SMC5: variants seen among roughly 807,000 people sequenced by gnomAD.
SMC5 encodes the protein structural maintenance of chromosomes 5.
In SMC5, 88 loss-of-function variants were observed where a neutral mutation model predicts 148.3. That is an observed-to-expected ratio of 0.59 (90% CI 0.50 to 0.71). The LOEUF (loss-of-function observed/expected upper bound fraction) is 0.71. Ranked by LOEUF, SMC5 falls within the 30% of genes least tolerant of loss-of-function variation. The pLI is 0.00. For missense variants in SMC5, 1,142 were observed against 1,298.9 expected (o/e 0.88, Z 1.86); for synonymous variants, 421 against 432.8 (o/e 0.97, Z 0.34).
intron 11 of SMC5, among the ~76,000 whole-genome samples, chr9:70,314,097 A>G (rs1367407085): frequency 6.6e-6 from 1 of 152,082 alleles, no homozygotes; most frequent in Non-Finnish European, 1.5e-5. Context: ...GCAGATTTTG[A>G]GGCTTCTCAC....
chr9:70,278,374 T>A, intron 4 of SMC5, 117 bp from the exon 5 acceptor site: 1 of 900,576 alleles, frequency 1.1e-6, no homozygotes, highest in Non-Finnish European at 1.6e-6. Context: ...AAGGTTTATA[T>A]CTCAAATGTT....
Position 70,298,154 on chromosome 9 carries a change from G to A in SMC5, c.1242G>A (p.Lys414=). Residue 414 remains lysine (K), a synonymous_variant, in exon 9 of 25, where the codon AAG becomes AAA. Transcript: ENST00000361138. ...TNDLRRIQDE[K]ALCEGEIIDK... is the part of the protein sequence containing the mutation. ...ATCTGAGACGGATTCAGGATGAAAAGGCATTATGTGAAGGCGAAATAATTG... is the reference window on the plus strand; with the variant it reads ...ATCTGAGACGGATTCAGGATGAAAAAGCATTATGTGAAGGCGAAATAATTG... 1 of 1,613,900 alleles carries A rather than the reference G, an allele frequency of 6.2e-7. No individual in the cohort carries two copies. Among genetic ancestry groups the A allele is most frequent in the Non-Finnish European group, 8.5e-7 (1 of 1,179,946 alleles).
At chr9:70,304,200 C>A (rs1462659898) in intron 10 of SMC5, among the ~76,000 whole-genome samples, 2 of 152,060 alleles carry the variant, frequency 1.3e-5, no homozygotes, top group Non-Finnish European at 2.9e-5. Flanking sequence ...GCGATATTCC[C>A]ACCTCAGCCT....
rs1564059992 is a variant in SMC5, at chr9:70,323,595, A to G, written c.2263A>G (p.Asn755Asp). The G allele has an allele frequency of 6.2e-7, 1 of 1,611,798 alleles. No homozygotes were observed. Among genetic ancestry groups the G allele is most frequent in the South Asian group, 1.1e-5 (1 of 90,528 alleles). ...AGCGAAACTTGTTACCGAATTAACA[A>G]ACCTAATAAAGGTAAGGTATTGTTT... ...QKAKLVTELT[N>D]LIKICTSLHI... Residue 755 changes from asparagine (N) to aspartate (D), a missense_variant, in exon 16 of 25, where the codon AAC becomes GAC. Asn to Asp is a conservative substitution (Grantham distance 23). Coordinates refer to ENST00000361138, the MANE Select transcript of SMC5 (RefSeq NM_015110.4).
At chr9:70,296,343 C>T (rs1222709957) in intron 8 of SMC5, among the ~76,000 whole-genome samples, 1 of 152,078 alleles carries the variant, frequency 6.6e-6, no homozygotes, top group Non-Finnish European at 1.5e-5. Flanking sequence ...AGGCAGATCA[C>T]TTGAGGCCAG....
At position 70,280,785 on chromosome 9, in the gene SMC5, T is replaced by C. The variant is rs1423875860; in HGVS notation, c.705T>C (p.Tyr235=). 6.2e-7 allele frequency: 1 copy of C among 1,613,192 alleles called. No homozygotes were observed. Among genetic ancestry groups the C allele is most frequent in the Admixed American group, 1.7e-5 (1 of 59,908 alleles). Residue 235 remains tyrosine, a synonymous_variant, in exon 6 of 25, where the codon TAT becomes TAC. Transcript: ENST00000361138. ...LETSCKEKTE[Y]LQKMVQRNER... is the part of the protein sequence containing the mutation. The stretch of plus-strand genomic sequence containing the variant: ...CCTCATGCAAAGAGAAAACTGAGTA[T>C]CTACAGAAAATGGTTCAGAGGAATG...
At chr9:70,302,502 A>AATAT (rs112307767) in intron 10 of SMC5, among the ~76,000 whole-genome samples, 21 of 149,536 alleles carry the variant, frequency 1.4e-4, no homozygotes, top group Middle Eastern at 3.4e-3. Flanking sequence ...AAGAAAAAAA[A>AATAT]ATATATATAT....
chr9:70,284,110 A>C (rs2034832123), intron 7 of SMC5, among the ~76,000 whole-genome samples: 1 of 152,226 alleles, frequency 6.6e-6, no homozygotes, highest in Admixed American at 6.5e-5. Flanking sequence ...TATAAAGTAA[A>C]CTTTGTAACA....
chr9:70,315,581 A>G lies in SMC5; in HGVS notation c.1806+3A>G. 6.4e-7 allele frequency: 1 copy of G among 1,564,944 alleles called. No individual in the cohort carries two copies. The highest frequency in any genetic ancestry group is 8.7e-7 in the Non-Finnish European group (1 of 1,154,836). Reference sequence around the variant, plus strand: ...AGACCAGAGAAAGAATTGAACGGGTAGGAAAGTAGTGAATCATGTACTGAA... The same window carrying G: ...AGACCAGAGAAAGAATTGAACGGGTGGGAAAGTAGTGAATCATGTACTGAA... On this transcript the variant is annotated splice_donor_region_variant and intron_variant, in intron 13 of 24. Transcript: ENST00000361138.
chr9:70,282,286 A>C, intron 6 of SMC5, 136 bp from the exon 7 acceptor site: 2 of 846,258 alleles, frequency 2.4e-6, no homozygotes, highest in Non-Finnish European at 1.7e-6. Flanking sequence ...CCCAGAGGAC[A>C]AATTTACATT....
At chr9:70,310,976 T>C (rs1312780475) in intron 11 of SMC5, 1 of 152,230 alleles carries the variant, frequency 6.6e-6, no homozygotes, top group Non-Finnish European at 1.5e-5. Flanking sequence ...AGGATTTGGC[T>C]TAAAGGGATG....
intron 3 of SMC5, among the ~76,000 whole-genome samples, chr9:70,269,455 C>T (rs558605586): frequency 1.3e-5 from 2 of 152,156 alleles, no homozygotes; most frequent in South Asian, 2.1e-4. Flanking sequence ...GGCTGCGCAC[C>T]TGTAGTCCTA....
Position 70,352,275 on chromosome 9 carries a change from A to G in SMC5, c.3250A>G (p.Asn1084Asp), listed in dbSNP as rs192311641. The G allele has an allele frequency of 3.7e-6, 6 of 1,613,840 alleles. No individual in the cohort carries two copies. The East Asian group carries it at 1.3e-4, about 36-fold the overall frequency. The change falls in exon 25 of 25, where the codon AAT becomes GAT. Residue 1084 changes from asparagine (N) to aspartate (D), a missense_variant. Around this residue, in one of 5 missense-constraint regions of SMC5, gnomAD observed 63 missense variants for 65.7 expected, o/e 0.96. Coordinates refer to ENST00000361138, the MANE Select transcript of SMC5 (RefSeq NM_015110.4). ...TCATATGCTGGAACCAAACACATGG[A>G]ATTTAAAGGCTTTCCAAAGGCGGCG... ...GPHMLEPNTWNLKAFQRRRRR... is the reference protein window; with the variant it reads ...GPHMLEPNTWDLKAFQRRRRR...
At position 70,350,266 on chromosome 9, in the gene SMC5, A is replaced by C; in HGVS notation, c.3042A>C (p.Pro1014=). The change falls in exon 23 of 25, where the codon CCA becomes CCC. Residue 1014 remains proline, a synonymous_variant. Transcript: ENST00000361138. The part of the protein sequence containing the change: ...LMALQELNRC[P]FRVVDEINQG... ...CACTTCAGGAGCTAAATAGATGTCC[A>C]TTCAGAGTAGTTGATGAAATCAATC... is the stretch of plus-strand genomic sequence containing the variant. 2 of 1,613,162 alleles carry C rather than the reference A, an allele frequency of 1.2e-6. No individual in the cohort carries two copies. The highest frequency in any genetic ancestry group is 1.7e-6 in the Non-Finnish European group (2 of 1,179,678).
intron 17 of SMC5, among the ~76,000 whole-genome samples, chr9:70,336,725 T>G (rs1056662120): frequency 1.3e-5 from 2 of 152,164 alleles, no homozygotes; most frequent in Non-Finnish European, 2.9e-5. Flanking sequence ...AATGTGGTTG[T>G]TCCATATAGG....
intron 10 of SMC5, among the ~76,000 whole-genome samples, chr9:70,303,693 C>T (rs981601391): frequency 1.3e-5 from 2 of 152,162 alleles, no homozygotes; most frequent in African/African-American, 4.8e-5. Context: ...GTCCATCTTA[C>T]AGATGAAAGT....
At chr9:70,349,029 A>G (rs1401277591) in intron 22 of SMC5, among the ~76,000 whole-genome samples, 1 of 151,822 alleles carries the variant, frequency 6.6e-6, no homozygotes, top group Non-Finnish European at 1.5e-5. Context: ...TTAAAGCTCT[A>G]TTCAATTAAT....
chr9:70,264,450 G>A lies in SMC5; in HGVS notation c.327+5G>A. On this transcript the variant is annotated splice_donor_5th_base_variant and intron_variant, in intron 2 of 24. Transcript: ENST00000361138. ...TTCATGGGACGAGCAGATAAGGTGA[G>A]TTAATATAATTACTTTTTAAGAAAT... 4 of 1,611,300 alleles carry A rather than the reference G, an allele frequency of 2.5e-6. No homozygotes were observed. Among genetic ancestry groups the A allele is most frequent in the Non-Finnish European group, 3.4e-6 (4 of 1,179,140 alleles).
chr9:70,315,374 T>C, intron 12 of SMC5, 72 bp from the exon 13 acceptor site: 8 of 1,009,402 alleles, frequency 7.9e-6, no homozygotes, highest in Non-Finnish European at 8.5e-6. Flanking sequence ...TGTTTATTGG[T>C]GGCTTATCAA....
Sources: gnomAD v4.1 joint callset for allele counts (sites outside exome capture counted in the v4.1 genomes callset) on GRCh38, gnomAD v4.1.1 for gene constraint, gnomAD v4.1.1 regional missense constraint, MANE v1.5 for transcripts, NCBI Gene and HGNC (gene_info 2026-07-23, HGNC 2026-07-21) for gene names.